FER: variants seen among roughly 807,000 people sequenced by gnomAD.
FER encodes FER tyrosine kinase.
In FER, 63 loss-of-function variants were observed where a neutral mutation model predicts 111.0. The observed-to-expected ratio is 0.57, with a 90% CI of 0.46 to 0.70. The LOEUF (loss-of-function observed/expected upper bound fraction) is 0.70. FER is among the 30% of genes least tolerant of loss of function. FER has a pLI of 0.00. For synonymous variants in FER, 327 were observed against 313.9 expected (o/e 1.04, Z -0.44); for missense variants, 914 against 954.0 (o/e 0.96, Z 0.55).
intron 13 of FER, among the ~76,000 whole-genome samples, chr5:108,980,705 A>G (rs1761929525): frequency 6.6e-6 from 1 of 152,134 alleles, no homozygotes; most frequent in Non-Finnish European, 1.5e-5. Context: ...TAACAGAGTG[A>G]ATTTCCAAAC....
chr5:109,031,944 A>G (rs1769686261), intron 13 of FER, among the ~76,000 whole-genome samples: 1 of 152,172 alleles, frequency 6.6e-6, no homozygotes, highest in Non-Finnish European at 1.5e-5. Context: ...GAACTTTCCT[A>G]GAGAAGCAGT....
chr5:108,989,085 T>C (rs1762882989), intron 13 of FER, among the ~76,000 whole-genome samples: 1 of 152,134 alleles, frequency 6.6e-6, no homozygotes, highest in African/African-American at 2.4e-5. Flanking sequence ...TTGCATGGTT[T>C]TGAGGTTCCT....
At chr5:108,890,772 C>T (rs1423497630) in intron 9 of FER, among the ~76,000 whole-genome samples, 1 of 152,034 alleles carries the variant, frequency 6.6e-6, no homozygotes, top group Non-Finnish European at 1.5e-5. Flanking sequence ...TATGGATATA[C>T]CACAATTTGT....
At chr5:108,763,500 C>G (rs1751987922) in intron 1 of FER, among the ~76,000 whole-genome samples, 1 of 152,146 alleles carries the variant, frequency 6.6e-6, no homozygotes, top group Non-Finnish European at 1.5e-5. Context: ...TGCCATCCTC[C>G]CCTGCAGAGC....
rs373884326 is a variant in FER, at chr5:109,068,087, CT to C, written c.1924+20890del. ...ACCAAATTTATTGTATTCCAGAATA[CT>C]CGATTATGGAGTCAGAATTTCTTTA... is the stretch of plus-strand genomic sequence containing the variant. On this transcript the variant is annotated intron_variant, in intron 16 of 19. Transcript: ENST00000281092. Among the ~76,000 whole-genome samples the C allele has an allele frequency of 7.9e-3, 1,194 of 152,070 alleles. 12 individuals are homozygous for C. Among genetic ancestry groups the C allele is most frequent in the African/African-American group, 0.028 (1,156 of 41,490 alleles).
At chr5:108,751,967 C>T (rs1280760281) in intron 1 of FER, among the ~76,000 whole-genome samples, 1 of 151,966 alleles carries the variant, frequency 6.6e-6, no homozygotes, top group Non-Finnish European at 1.5e-5. Flanking sequence ...TTCATACTTA[C>T]CTCGTTCATA....
At position 108,835,290 on chromosome 5, in the gene FER, T is replaced by C. The variant is rs964163873; in HGVS notation, c.382-418T>C. Among the ~76,000 whole-genome samples, 11 of 146,842 alleles carry C rather than the reference T, an allele frequency of 7.5e-5. No individual in the cohort carries two copies. In the East Asian group the frequency reaches 2.1e-3, roughly 28 times the overall value. ...TCTGCCTCCCAGGTTCAAGCGATTC[T>C]TGTGCCTCATCCTCCCGAGTAGCTG... On this transcript the variant is annotated intron_variant, in intron 4 of 19. Coordinates refer to ENST00000281092, the MANE Select transcript of FER (RefSeq NM_005246.4).
chr5:108,760,180 C>G (rs1315209029), intron 1 of FER, among the ~76,000 whole-genome samples: 2 of 142,330 alleles, frequency 1.4e-5, no homozygotes, highest in African/African-American at 5.3e-5. Context: ...TTTTTCTGAG[C>G]AGTAGGTCTG....
chr5:108,891,941 T>C (rs1748140474), intron 9 of FER, among the ~76,000 whole-genome samples: 1 of 152,140 alleles, frequency 6.6e-6, no homozygotes, highest in African/African-American at 2.4e-5. Flanking sequence ...TTGTGATAGT[T>C]TGCTGAGAAT....
chr5:109,007,048 A>T (rs1240473815), intron 13 of FER, among the ~76,000 whole-genome samples: 6 of 152,172 alleles, frequency 3.9e-5, no homozygotes, highest in Admixed American at 3.9e-4. Context: ...TAGTTGGGTT[A>T]TTCAGAAAAT....
chr5:109,108,363 C>G (rs1343351739), intron 17 of FER, among the ~76,000 whole-genome samples: 1 of 152,026 alleles, frequency 6.6e-6, no homozygotes, highest in East Asian at 1.9e-4. Context: ...CATTTTCTTC[C>G]CTTTTGTGAA....
At chr5:108,789,914 A>T (rs1755157851) in intron 2 of FER, among the ~76,000 whole-genome samples, 2 of 152,184 alleles carry the variant, frequency 1.3e-5, no homozygotes, top group African/African-American at 4.8e-5. Flanking sequence ...ACCAGCAGGA[A>T]TTTTTGATGA....
At chr5:108,953,766 T>C (rs77064223) in intron 11 of FER, among the ~76,000 whole-genome samples, 1,524 of 152,216 alleles carry the variant, frequency 0.01, 21 homozygotes, top group African/African-American at 0.035. Flanking sequence ...ATTTATAAAT[T>C]ACTTTCTCAT....
intron 16 of FER, among the ~76,000 whole-genome samples, chr5:109,061,247 T>A (rs1774376336): frequency 6.6e-6 from 1 of 152,208 alleles, no homozygotes; most frequent in Non-Finnish European, 1.5e-5. Context: ...TGATAAACTT[T>A]AAGACCACTT....
chr5:109,180,954 TA>T, intron 18 of FER, 53 bp downstream of exon 18: 3 of 1,479,816 alleles, frequency 2.0e-6, no homozygotes, highest in Middle Eastern at 1.8e-4. Context: ...GGCATCAGCA[TA>T]AAACATTCAC....
At chr5:109,143,485 T>C (rs1323462206) in intron 17 of FER, among the ~76,000 whole-genome samples, 1 of 152,050 alleles carries the variant, frequency 6.6e-6, no homozygotes, top group Non-Finnish European at 1.5e-5. Context: ...TCTATCAGCC[T>C]AACTGTAACT....
chr5:108,916,581 G>A (rs1752301794), intron 10 of FER, among the ~76,000 whole-genome samples: 2 of 152,040 alleles, frequency 1.3e-5, no homozygotes, highest in Admixed American at 1.3e-4. Flanking sequence ...TGGGTATTTA[G>A]ATATAGCTTA....
chr5:108,970,533 T>C (rs1760501873), intron 13 of FER, among the ~76,000 whole-genome samples: 1 of 152,122 alleles, frequency 6.6e-6, no homozygotes, highest in South Asian at 2.1e-4. Context: ...ACTTTATTTT[T>C]AGAAGTGTTT....
chr5:108,943,671 G>A (rs1460972429), intron 10 of FER, among the ~76,000 whole-genome samples: 4 of 151,954 alleles, frequency 2.6e-5, no homozygotes, highest in Non-Finnish European at 4.4e-5. Flanking sequence ...AAACTTGATA[G>A]GTATGATTTT....
Sources: allele counts gnomAD v4.1 joint callset (sites outside exome capture counted in the v4.1 genomes callset), GRCh38; gene constraint gnomAD v4.1.1; transcripts MANE v1.5; gene names NCBI Gene and HGNC (gene_info 2026-07-23, HGNC 2026-07-21).